Variants in EPRS1 observed in about 807,000 individuals in gnomAD.
The protein encoded by EPRS1 is glutamyl-prolyl-tRNA synthetase 1, also known as bifunctional glutamate/proline--tRNA ligase.
In EPRS1, 107 loss-of-function variants were observed where a neutral mutation model predicts 188.3. The observed-to-expected ratio is 0.57, with a 90% CI of 0.49 to 0.67. EPRS1 has a LOEUF of 0.67. Ranked by LOEUF, EPRS1 falls within the 30% of genes least tolerant of loss-of-function variation. The probability of loss-of-function intolerance (pLI) is 0.00; values close to 1 mark genes in which losing one functional copy is unlikely to be tolerated. For missense variants in EPRS1, 1,577 were observed against 1,802.2 expected (o/e 0.88, Z 2.26); for synonymous variants, 596 against 593.1 (o/e 1.00, Z -0.07).
At chr1:220,007,376 A>C (rs1661510162) in intron 13 of EPRS1, 38 bp from the exon 14 acceptor site, 1 of 1,590,326 alleles carries the variant, frequency 6.3e-7, no homozygotes, top group Admixed American at 1.8e-5. Context: ...TGTTGAAACA[A>C]CAACTTATTG....
Position 220,020,063 on chromosome 1 carries a change from C to T in EPRS1, c.1274G>A (p.Arg425Gln), listed in dbSNP as rs771272443. 8 of 1,613,954 alleles carry T rather than the reference C, an allele frequency of 5.0e-6. No individual in the cohort carries two copies. Among genetic ancestry groups the T allele is most frequent in the Non-Finnish European group, 6.8e-6 (8 of 1,179,928 alleles). ...TAGCACTGTGTTGTTGAGATTTAGC[C>T]GACTATATTCCCAAATATATGGTTT... is the stretch of plus-strand genomic sequence containing the variant. ...IRKPYIWEYS[R>Q]LNLNNTVLSK... Residue 425 changes from arginine to glutamine, a missense_variant, in exon 10 of 32, where the codon CGG becomes CAG. By Grantham distance (43) the Arg-to-Gln change is conservative. This residue lies in a region of EPRS1 where 1,278 missense variants were observed against 1,457.4 expected (regional missense o/e 0.88). Transcript: ENST00000366923.
intron 6 of EPRS1, 85 bp from the exon 7 acceptor site, chr1:220,025,343 T>C: frequency 1.0e-6 from 1 of 964,518 alleles, no homozygotes; most frequent in Non-Finnish European, 1.5e-6. Context: ...AGATGAGAAC[T>C]AAACAAAAGT....
At chr1:220,032,860 A>G (rs1009353751) in intron 4 of EPRS1, among the ~76,000 whole-genome samples, 4 of 152,106 alleles carry the variant, frequency 2.6e-5, no homozygotes, top group African/African-American at 7.2e-5. Flanking sequence ...GATTGTAACC[A>G]TAGTTCCACA....
At chr1:220,008,384 GT>G (rs1156891785) in intron 13 of EPRS1, among the ~76,000 whole-genome samples, 1 of 151,562 alleles carries the variant, frequency 6.6e-6, no homozygotes, top group Non-Finnish European at 1.5e-5. Flanking sequence ...CATAATTTCA[GT>G]TTTTATTTGG....
intron 1 of EPRS1, among the ~76,000 whole-genome samples, chr1:220,040,494 G>T (rs1181115743): frequency 6.6e-6 from 1 of 152,192 alleles, no homozygotes; most frequent in Non-Finnish European, 1.5e-5. Context: ...TTTTGAATTT[G>T]TTCAGCTTTC....
intron 18 of EPRS1, among the ~76,000 whole-genome samples, chr1:219,994,904 G>A (rs2647432): frequency 0.8 from 121,861 of 151,920 alleles, 49,027 homozygotes; most frequent in East Asian, 0.93. Context: ...TGCCCACCTC[G>A]GCCTCCCAAA....
In EPRS1 at chr1:219,968,769, A is replaced by C. The variant is rs748368737; in HGVS notation, c.*37T>G. The C allele has an allele frequency of 1.2e-6, 2 of 1,604,538 alleles. No individual in the cohort carries two copies. Among genetic ancestry groups the C allele is most frequent in the African/African-American group, 1.3e-5 (1 of 74,836 alleles). ...AGATACTAATATCAATGCTTTAAAAAGTGAGAGGAGTTGAAGAGGGGGCTT... is the reference window on the plus strand; with the variant it reads ...AGATACTAATATCAATGCTTTAAAACGTGAGAGGAGTTGAAGAGGGGGCTT... On this transcript the variant is annotated 3_prime_UTR_variant, in exon 32 of 32. Coordinates refer to ENST00000366923, the MANE Select transcript of EPRS1 (RefSeq NM_004446.3).
intron 17 of EPRS1, among the ~76,000 whole-genome samples, chr1:220,000,166 TACTA>T (rs1661322862): frequency 6.6e-6 from 1 of 152,198 alleles, no homozygotes; most frequent in African/African-American, 2.4e-5. Flanking sequence ...CAAGAACACA[TACTA>T]ACTTATAGCA....
chr1:220,036,615 T>A (rs1046978855), intron 2 of EPRS1, among the ~76,000 whole-genome samples: 1 of 151,956 alleles, frequency 6.6e-6, no homozygotes, highest in Non-Finnish European at 1.5e-5. Context: ...CTCTCACTTA[T>A]AAGTGGGAGC....
intron 1 of EPRS1, among the ~76,000 whole-genome samples, chr1:220,042,271 T>G (rs896945087): frequency 1.3e-5 from 2 of 149,490 alleles, no homozygotes; most frequent in Non-Finnish European, 3.0e-5. Context: ...TTGCCTGAGC[T>G]CAGGAGTTCG....
In EPRS1 at chr1:219,988,702, G is replaced by C; in HGVS notation, c.2663C>G (p.Thr888Ser). ...TAAACCAGCAGGTTCAGAATTTCTG[G>C]TTGGGCTTGAATCCGAACTTTGAGA... ...PLSQSSDSSP[T>S]RNSEPAGLET... Residue 888 changes from threonine to serine, a missense_variant, in exon 19 of 32, where the codon ACC becomes AGC. By Grantham distance (58) the Thr-to-Ser change is moderately conservative. This residue lies in a region of EPRS1 where 1,278 missense variants were observed against 1,457.4 expected (regional missense o/e 0.88). Coordinates refer to ENST00000366923, the MANE Select transcript of EPRS1 (RefSeq NM_004446.3). 1.2e-6 allele frequency: 2 copies of C among 1,613,918 alleles called. No homozygotes were observed. Among genetic ancestry groups the C allele is most frequent in the Non-Finnish European group, 1.7e-6 (2 of 1,179,860 alleles).
At chr1:219,993,549 G>A (rs550926928) in intron 18 of EPRS1, among the ~76,000 whole-genome samples, 4 of 152,178 alleles carry the variant, frequency 2.6e-5, no homozygotes, top group Non-Finnish European at 4.4e-5. Flanking sequence ...AACAGAGCAA[G>A]AAAAGTCTAG....
intron 12 of EPRS1, among the ~76,000 whole-genome samples, chr1:220,017,295 G>C (rs947420322): frequency 6.6e-6 from 1 of 152,200 alleles, no homozygotes; most frequent in African/African-American, 2.4e-5. Flanking sequence ...TATGAAAGTA[G>C]ATAGAGAGAG....
intron 3 of EPRS1, among the ~76,000 whole-genome samples, chr1:220,034,484 ATAAT>A (rs1325689272): frequency 2.0e-5 from 3 of 152,236 alleles, no homozygotes; most frequent in Non-Finnish European, 2.9e-5. Context: ...TACTACTGAA[ATAAT>A]TAATTAAACA....
chr1:220,018,714 T>C lies in EPRS1; in HGVS notation c.1435-206A>G, dbSNP rs1377686534. 5.9e-5 allele frequency among the ~76,000 whole-genome samples: 9 copies of C among 151,956 alleles called. No individual in the cohort carries two copies. The East Asian group carries it at 1.7e-3, about 29-fold the overall frequency. ...TGTAAAGGTTCAGTCTACAGACTGC[T>C]CACAGTCAAGTCATATAATTCACTG... On this transcript the variant is annotated intron_variant, in intron 11 of 31. Coordinates refer to ENST00000366923, the MANE Select transcript of EPRS1 (RefSeq NM_004446.3).
chr1:220,018,913 A>T, intron 11 of EPRS1, 82 bp downstream of exon 11: 1 of 902,526 alleles, frequency 1.1e-6, no homozygotes, highest in South Asian at 1.5e-5. Context: ...AAAGAACAAC[A>T]GAGATAATAA....
At chr1:220,019,301 A>C (rs1039386982) in intron 10 of EPRS1, among the ~76,000 whole-genome samples, 4 of 152,208 alleles carry the variant, frequency 2.6e-5, no homozygotes, top group Non-Finnish European at 5.9e-5. Flanking sequence ...GCACTACTGG[A>C]AACAGTAGAA....
intron 7 of EPRS1, among the ~76,000 whole-genome samples, chr1:220,024,761 A>G (rs1661943285): frequency 6.6e-6 from 1 of 152,226 alleles, no homozygotes; most frequent in Non-Finnish European, 1.5e-5. Context: ...ATACACTGCC[A>G]TACTTCTGAA....
At chr1:220,003,097 CA>C (rs1661391213) in intron 16 of EPRS1, among the ~76,000 whole-genome samples, 1 of 152,182 alleles carries the variant, frequency 6.6e-6, no homozygotes, top group Non-Finnish European at 1.5e-5. Context: ...ACCCTACCAG[CA>C]ATACATATGG....
Sources: allele counts gnomAD v4.1 joint callset (sites outside exome capture counted in the v4.1 genomes callset), GRCh38; gene constraint gnomAD v4.1.1; regional missense constraint gnomAD v4.1.1; transcripts MANE v1.5; gene names NCBI Gene and HGNC (gene_info 2026-07-23, HGNC 2026-07-21).